The following DNMT3A variants were observed in gnomAD, a reference collection of about 807,000 sequenced individuals.
DNMT3A encodes the protein DNA methyltransferase 3 alpha.
DNMT3A carries 267 observed loss-of-function variants against 117.6 expected under a neutral mutation model. The observed-to-expected ratio is 2.27, with a 90% CI of 2.05 to 2.51. DNMT3A has a LOEUF of 2.51. Ranked by LOEUF, DNMT3A falls within the 30% of genes most tolerant of loss-of-function variation. The pLI is 0.00. For synonymous variants in DNMT3A, 432 were observed against 474.8 expected, an observed-to-expected ratio of 0.91 and a Z score of 1.17; for missense variants, 1,029 against 1,260.2, an observed-to-expected ratio of 0.82 and a Z score of 2.78.
rs1224898040 is a variant in DNMT3A at position 25,300,640 on chromosome 2, AT to A, written c.73-398del. On this transcript the variant is annotated intron_variant, in intron 2 of 22. Coordinates refer to ENST00000321117, the MANE Select transcript of DNMT3A (RefSeq NM_022552.5). ...TATTATTTAGATATCTAAATAATATATTATTTAGATATCTAAATAATATATT... is the reference window on the plus strand; with the variant it reads ...TATTATTTAGATATCTAAATAATATATATTTAGATATCTAAATAATATATT... Among the ~76,000 whole-genome samples, 31 of 84,866 alleles carry A rather than the reference AT, an allele frequency of 3.7e-4. 1 individual carries two copies. In the South Asian group the frequency reaches 9.7e-3, roughly 27 times the overall value. The allele number at this position is 84,866 out of a possible 152,430, so 55.7% of individuals were successfully genotyped here. A position where few individuals can be genotyped will look rare whatever the true frequency, so the allele number is the denominator to read the frequency against.
Position 25,246,142 on chromosome 2 carries a change from C to T in DNMT3A, c.1429+18G>A. 1 of 1,614,122 alleles carries T rather than the reference C, an allele frequency of 6.2e-7. No individual in the cohort carries two copies. Among genetic ancestry groups the T allele is most frequent in the East Asian group, 2.2e-5 (1 of 44,874 alleles). On this transcript the variant is annotated intron_variant, in intron 11 of 22. Transcript: ENST00000321117. Reference sequence around the variant, plus strand: ...GCAGGCCTCCTGGTGCCACCCTCTCCAGAAGCAGGCCAACTACCTCTTGTG... The same window carrying T: ...GCAGGCCTCCTGGTGCCACCCTCTCTAGAAGCAGGCCAACTACCTCTTGTG...
At chr2:25,267,332 G>A (rs2030453015) in intron 6 of DNMT3A, among the ~76,000 whole-genome samples, 2 of 152,244 alleles carry the variant, frequency 1.3e-5, no homozygotes, top group Non-Finnish European at 2.9e-5. Flanking sequence ...CCAGTACTTT[G>A]GGAGGTGGAG....
intron 6 of DNMT3A, among the ~76,000 whole-genome samples, chr2:25,261,956 G>A (rs562547904): frequency 6.6e-6 from 1 of 152,216 alleles, no homozygotes; most frequent in South Asian, 2.1e-4. Flanking sequence ...GGAGGCCAAG[G>A]TGGGCAGATC....
In DNMT3A at chr2:25,314,103, G is replaced by C. The variant is rs1305602603; in HGVS notation, c.-119C>G. 1.4e-6 allele frequency: 2 copies of C among 1,434,418 alleles called. No homozygotes were observed. The highest frequency in any genetic ancestry group is 1.4e-5 in the African/African-American group (1 of 69,448). The allele number at this position is 1,434,418 out of a possible 1,614,324, so 88.9% of individuals were successfully genotyped here. A position where few individuals can be genotyped will look rare whatever the true frequency, so the allele number is the denominator to read the frequency against. On this transcript the variant is annotated 5_prime_UTR_variant, in exon 2 of 23. Coordinates refer to ENST00000321117, the MANE Select transcript of DNMT3A (RefSeq NM_022552.5). Reference sequence around the variant, plus strand: ...AAACTTAAACATAGATCCCGGTGTTGAGCCCTCTGGTGAACGGTGCCTCTG... The same window carrying C: ...AAACTTAAACATAGATCCCGGTGTTCAGCCCTCTGGTGAACGGTGCCTCTG...
chr2:25,313,057 G>T (rs747033527), intron 2 of DNMT3A, among the ~76,000 whole-genome samples: 90 of 152,224 alleles, frequency 5.9e-4, no homozygotes, highest in Admixed American at 3.9e-4. Context: ...CCCCTGGAGG[G>T]TGGCAGTGAG....
intron 6 of DNMT3A, among the ~76,000 whole-genome samples, chr2:25,261,913 G>A (rs550600237): frequency 9.4e-4 from 143 of 152,054 alleles, no homozygotes; most frequent in African/African-American, 3.3e-3. Context: ...GGGGTCGGGC[G>A]CAGTGGCTCA....
intron 11 of DNMT3A, 43 bp downstream of exon 11, chr2:25,246,117 G>T (rs1298878887): frequency 2.9e-5 from 47 of 1,614,196 alleles, no homozygotes; most frequent in Non-Finnish European, 3.9e-5. Flanking sequence ...CTCCTCGGAT[G>T]CAGGCCTCCT....
chr2:25,280,378 A>T (rs2031799216), intron 4 of DNMT3A, among the ~76,000 whole-genome samples: 1 of 134,656 alleles, frequency 7.4e-6, no homozygotes, highest in African/African-American at 2.8e-5. Context: ...CTGCCCCAGC[A>T]CTTTCCACAC....
chr2:25,250,465 G>A (rs1675377944), intron 6 of DNMT3A, among the ~76,000 whole-genome samples: 2 of 152,214 alleles, frequency 1.3e-5, no homozygotes, highest in African/African-American at 4.8e-5. Flanking sequence ...GGATCGGACT[G>A]CGGGGGTGGA....
chr2:25,248,589 C>T (rs1675151179), intron 6 of DNMT3A, among the ~76,000 whole-genome samples: 1 of 152,070 alleles, frequency 6.6e-6, no homozygotes, highest in Admixed American at 6.5e-5. Context: ...ACTCTTTCAC[C>T]CAGGCTGGAG....
rs2149325993 is a variant in DNMT3A at position 25,252,157 on chromosome 2, GC to G, written c.640-3906del. On this transcript the variant is annotated intron_variant, in intron 6 of 22. Transcript: ENST00000321117. The surrounding 1 kb of genome is among the most constrained non-coding windows in gnomAD (Gnocchi z 5.5). The stretch of plus-strand genomic sequence containing the variant: ...CTCCCACCGGCCCTGCCGCCTCCCC[GC>G]CCCCGGTCTCCCCGGGGCTCCGTCC... 1 of 1,552,944 alleles carries G rather than the reference GC, an allele frequency of 6.4e-7. No homozygotes were observed.
chr2:25,300,693 T>C (rs57635327), intron 2 of DNMT3A, among the ~76,000 whole-genome samples: 1 of 51,622 alleles, frequency 1.9e-5, no homozygotes, highest in African/African-American at 7.4e-5. Context: ...AGATATATAT[T>C]TATATATCTA....
intron 6 of DNMT3A, among the ~76,000 whole-genome samples, chr2:25,261,184 A>G (rs1027405160): frequency 4.1e-4 from 63 of 152,196 alleles, no homozygotes; most frequent in African/African-American, 1.4e-3. Flanking sequence ...CATGCCTGTA[A>G]TCCCAGCACT....
chr2:25,239,185 C>T lies in DNMT3A; in HGVS notation c.2353G>A (p.Val785Met). The change falls in exon 20 of 23, where the codon GTG (valine) becomes ATG (methionine). Residue 785 changes from valine to methionine, a missense_variant. Val to Met is a conservative substitution (Grantham distance 21). Coordinates refer to ENST00000321117, the MANE Select transcript of DNMT3A (RefSeq NM_022552.5). ...TAGCGGGCCCTGTGTGCAGCTGACA[C>T]TTCTTTGGCATCAATCATCACAGGG... ...SNPVMIDAKE[V>M]SAAHRARYFW... 1 of 1,614,114 alleles carries T rather than the reference C, an allele frequency of 6.2e-7. No homozygotes were observed. The highest frequency in any genetic ancestry group is 8.5e-7 in the Non-Finnish European group (1 of 1,179,986).
chr2:25,268,389 G>A (rs143501220), intron 6 of DNMT3A, among the ~76,000 whole-genome samples: 4 of 152,246 alleles, frequency 2.6e-5, no homozygotes, highest in South Asian at 2.1e-4. Context: ...CACCAGCCGC[G>A]ACACAAACTG....
intron 1 of DNMT3A, among the ~76,000 whole-genome samples, chr2:25,322,249 G>A (rs538034059): frequency 6.6e-6 from 1 of 152,180 alleles, no homozygotes; most frequent in East Asian, 1.9e-4. Context: ...GAGAGAGTGG[G>A]GATGGGAGAA....
At chr2:25,341,479 G>C (rs1429129369) in intron 1 of DNMT3A, among the ~76,000 whole-genome samples, 1 of 146,036 alleles carries the variant, frequency 6.8e-6, no homozygotes, top group Non-Finnish European at 1.5e-5. Flanking sequence ...GGCGCAGGCC[G>C]GCGGTGGAGG....
At position 25,311,616 on chromosome 2, in the gene DNMT3A, T is replaced by C. The variant is rs139076556; in HGVS notation, c.72+2297A>G. Among the ~76,000 whole-genome samples, 211 of 152,292 alleles carry C rather than the reference T, an allele frequency of 1.4e-3. No homozygotes were observed. Among genetic ancestry groups the C allele is most frequent in the Middle Eastern group, 0.01 (3 of 294 alleles). ...GATCTAGGGCTGGGTGTGTGTTTGT[T>C]GCCGCTTGAGCCAGAGCAGTTACTA... On this transcript the variant is annotated intron_variant, in intron 2 of 22. Coordinates refer to ENST00000321117, the MANE Select transcript of DNMT3A (RefSeq NM_022552.5). This position sits in a 1 kb window ranked among gnomAD's most constrained non-coding sequence, Gnocchi z 5.2.
chr2:25,281,109 CCA>C lies in DNMT3A; in HGVS notation c.448+1330_448+1331del, dbSNP rs2031859019. Among the ~76,000 whole-genome samples, 1 of 152,144 alleles carries C rather than the reference CCA, an allele frequency of 6.6e-6. No homozygotes were observed. Among genetic ancestry groups the C allele is most frequent in the Non-Finnish European group, 1.5e-5 (1 of 68,036 alleles). On this transcript the variant is annotated intron_variant, in intron 4 of 22. Transcript: ENST00000321117. This position sits in a 1 kb window ranked among gnomAD's most constrained non-coding sequence, Gnocchi z 4.8. ...CTGTTTCACTCCCCTCAGGCCCTTC[CCA>C]CTCTCGGGAAGTATCAGAATATGTG...
Sources: gnomAD v4.1 joint callset for allele counts (sites outside exome capture counted in the v4.1 genomes callset) on GRCh38, gnomAD v4.1.1 for gene constraint, Gnocchi (gnomAD v3.1) non-coding constraint, MANE v1.5 for transcripts, NCBI Gene and HGNC (gene_info 2026-07-23, HGNC 2026-07-21) for gene names.